CACNA2D2: variants seen among roughly 807,000 people sequenced by gnomAD.
CACNA2D2 encodes calcium voltage-gated channel auxiliary subunit alpha2delta 2, also known as voltage-dependent calcium channel subunit alpha-2/delta-2.
Under a neutral mutation model 166.4 loss-of-function variants are expected in CACNA2D2, and 48 were observed. The observed-to-expected ratio is 0.29, with a 90% CI of 0.23 to 0.37. CACNA2D2 has a LOEUF of 0.37. CACNA2D2 is among the 10% of genes least tolerant of loss of function. The pLI is 1.00. For synonymous variants in CACNA2D2, 561 were observed against 573.7 expected, an observed-to-expected ratio of 0.98 and a Z score of 0.32; for missense variants, 1,122 against 1,433.0, an observed-to-expected ratio of 0.78 and a Z score of 3.50.
At chr3:50,503,888 A>T (rs997575381), upstream of CACNA2D2, among the ~76,000 whole-genome samples, 40 of 150,962 alleles carry the variant, frequency 2.6e-4, no homozygotes, top group Non-Finnish European at 5.2e-4. Context: ...CACACCTCAG[A>T]CCCTGCCGCT....
In CACNA2D2 at chr3:50,416,390, A is replaced by G. The variant is rs1707263812; in HGVS notation, c.405+17923T>C. On this transcript the variant is annotated intron_variant, in intron 3 of 37. Transcript: ENST00000424201. ...CAGCAGAGGCCCGGCTGAGACCTCT[A>G]TTTCTCCTATAGGCCACCTTTAGGT... 1.3e-5 allele frequency among the ~76,000 whole-genome samples: 2 copies of G among 152,322 alleles called. 1 individual carries two copies. The highest frequency in any genetic ancestry group is 4.1e-4 in the South Asian group (2 of 4,828).
In CACNA2D2 at chr3:50,376,329, G is replaced by A. The variant is rs1174554743; in HGVS notation, c.1627-141C>T. On this transcript the variant is annotated intron_variant, in intron 17 of 37. Coordinates refer to ENST00000424201, the MANE Select transcript of CACNA2D2 (RefSeq NM_006030.4). This position sits in a 1 kb window ranked among gnomAD's most constrained non-coding sequence, Gnocchi z 4.3. ...TGGGCTAAGGGCCCCCCCATGCCAC[G>A]TGGCCCTAAGCCTGTCTCTCCAGCC... 29 of 882,078 alleles carry A rather than the reference G, an allele frequency of 3.3e-5. No homozygotes were observed. Among genetic ancestry groups the A allele is most frequent in the Non-Finnish European group, 4.4e-5 (25 of 573,430 alleles). 54.6% of individuals were successfully genotyped at this position (882,078 alleles called of 1,614,324 possible). A position where few individuals can be genotyped will look rare whatever the true frequency, so the allele number is the denominator to read the frequency against.
intron 3 of CACNA2D2, among the ~76,000 whole-genome samples, chr3:50,433,133 G>A (rs1006979631): frequency 6.6e-6 from 1 of 152,156 alleles, no homozygotes; most frequent in Non-Finnish European, 1.5e-5. Context: ...CTCCGAAAAA[G>A]AAACCCTGTA....
At chr3:50,432,533 A>G (rs1708120746) in intron 3 of CACNA2D2, among the ~76,000 whole-genome samples, 2 of 152,224 alleles carry the variant, frequency 1.3e-5, no homozygotes, top group Admixed American at 6.5e-5. Context: ...GAACAAGGGA[A>G]AGGCAGGAGA....
chr3:50,476,478 G>A (rs999098623), intron 1 of CACNA2D2, among the ~76,000 whole-genome samples: 2 of 152,254 alleles, frequency 1.3e-5, no homozygotes, highest in Non-Finnish European at 2.9e-5. Context: ...GAAGCCTGCA[G>A]TGAGGCTACT....
chr3:50,377,962 G>A (rs774423291), intron 15 of CACNA2D2, 46 bp downstream of exon 15: 52 of 1,575,664 alleles, frequency 3.3e-5, no homozygotes, highest in African/African-American at 1.5e-4. Context: ...GCACATCTCC[G>A]GGGGAAGGGT....
chr3:50,429,327 A>G (rs1419934643), intron 3 of CACNA2D2, among the ~76,000 whole-genome samples: 1 of 152,042 alleles, frequency 6.6e-6, no homozygotes, highest in Non-Finnish European at 1.5e-5. Context: ...GAGAGAGGAG[A>G]GTAACCCAGC....
intron 1 of CACNA2D2, among the ~76,000 whole-genome samples, chr3:50,479,608 C>G (rs1697956405): frequency 6.6e-6 from 1 of 152,218 alleles, no homozygotes; most frequent in South Asian, 2.1e-4. Flanking sequence ...CTGTTCCTGC[C>G]TTGTGGACGA....
intron 4 of CACNA2D2, 71 bp downstream of exon 4, chr3:50,394,038 A>T: frequency 7.1e-7 from 1 of 1,410,638 alleles, no homozygotes; most frequent in Non-Finnish European, 1.0e-6. Context: ...GGCAGCTCCC[A>T]CCCCCCAGCA....
At chr3:50,485,378 A>G (rs537807583) in intron 1 of CACNA2D2, among the ~76,000 whole-genome samples, 7 of 152,218 alleles carry the variant, frequency 4.6e-5, no homozygotes, top group African/African-American at 1.7e-4. Context: ...TGGTTTTCAA[A>G]CTGCTCCAGC....
intron 2 of CACNA2D2, among the ~76,000 whole-genome samples, chr3:50,463,518 C>T (rs965873446): frequency 2.6e-5 from 4 of 152,082 alleles, no homozygotes; most frequent in African/African-American, 9.7e-5. Flanking sequence ...GGCTGGTCTC[C>T]CCCAGAGTCT....
chr3:50,438,346 C>T (rs1038294009), intron 2 of CACNA2D2, among the ~76,000 whole-genome samples: 2 of 152,170 alleles, frequency 1.3e-5, no homozygotes, highest in African/African-American at 4.8e-5. Flanking sequence ...CTGGCTCTAG[C>T]TTCAACCCTC....
At chr3:50,399,087 G>C (rs1019860960) in intron 3 of CACNA2D2, among the ~76,000 whole-genome samples, 1 of 152,202 alleles carries the variant, frequency 6.6e-6, no homozygotes, top group Non-Finnish European at 1.5e-5. Context: ...TGCATGCCAG[G>C]AGGGGAGGGC....
Position 50,374,777 on chromosome 3 carries a change from G to T in CACNA2D2, c.1944C>A (p.Tyr648Ter). Residue 648 changes from tyrosine to a stop codon, truncating the protein, a stop_gained, in exon 22 of 38, where the codon TAC becomes TAA. Transcript: ENST00000424201. LOFTEE classifies it high-confidence loss of function. ...TCTGGTCACTGAGATTGGCTTGGAG[G>T]TAGAAGGTGCTGTAGGGTGGGAGCA... ...GLVLPPYSTF[Y>*]LQANLSDQIL... 1 of 1,598,498 alleles carries T rather than the reference G, an allele frequency of 6.3e-7. No individual in the cohort carries two copies. The highest frequency in any genetic ancestry group is 8.5e-7 in the Non-Finnish European group (1 of 1,173,434).
intron 2 of CACNA2D2, among the ~76,000 whole-genome samples, chr3:50,456,903 A>G (rs1490763002): frequency 1.3e-5 from 2 of 152,162 alleles, no homozygotes; most frequent in Non-Finnish European, 2.9e-5. Context: ...GGCTCCCCCA[A>G]GGACAGTACT....
At chr3:50,502,444 G>A (rs1277174417) in intron 1 of CACNA2D2, among the ~76,000 whole-genome samples, 1 of 152,244 alleles carries the variant, frequency 6.6e-6, no homozygotes, top group African/African-American at 2.4e-5. Flanking sequence ...GAGGCAGCCC[G>A]AGTTTGCTGG....
Position 50,367,471 on chromosome 3 carries a change from G to T in CACNA2D2, c.2324C>A (p.Pro775His). 1 of 1,613,978 alleles carries T rather than the reference G, an allele frequency of 6.2e-7. No homozygotes were observed. The highest frequency in any genetic ancestry group is 8.5e-7 in the Non-Finnish European group (1 of 1,180,002). Residue 775 changes from proline (P) to histidine (H), a missense_variant, in exon 27 of 38, where the codon CCT becomes CAT. Coordinates refer to ENST00000424201, the MANE Select transcript of CACNA2D2 (RefSeq NM_006030.4). The surrounding 1 kb of genome is among the most constrained non-coding windows in gnomAD (Gnocchi z 6.5). ...GTAGAAGCTGGCATTGAAGGGCTCA[G>T]GGTTCTCTGTCCAGTCCTCAGCTGC... is the stretch of plus-strand genomic sequence containing the variant. ...NKAAEDWTEN[P>H]EPFNASFYRR...
intron 1 of CACNA2D2, among the ~76,000 whole-genome samples, chr3:50,491,736 G>A (rs965358947): frequency 1.3e-5 from 2 of 152,214 alleles, no homozygotes; most frequent in African/African-American, 2.4e-5. Context: ...ACTCACAGCC[G>A]TGGCCTGTAG....
chr3:50,443,802 CTCTCAGGACTCAGGGACA>C (rs893891190), intron 2 of CACNA2D2, among the ~76,000 whole-genome samples: 31 of 152,234 alleles, frequency 2.0e-4, no homozygotes, highest in African/African-American at 6.8e-4. Context: ...CTTTACCCAC[CTCTCAGGACTCAGGGACA>C]GTGGGCTGGG....
Sources: gnomAD v4.1 joint callset for allele counts (sites outside exome capture counted in the v4.1 genomes callset) on GRCh38, gnomAD v4.1.1 for gene constraint, Gnocchi (gnomAD v3.1) non-coding constraint, MANE v1.5 for transcripts, NCBI Gene and HGNC (gene_info 2026-07-23, HGNC 2026-07-21) for gene names.